Variants in CSMD3 observed in about 807,000 individuals in gnomAD.
CSMD3 encodes CUB and sushi domain-containing protein 3.
In CSMD3, 177 loss-of-function variants were observed where a neutral mutation model predicts 435.2. That is an observed-to-expected ratio of 0.41 (90% confidence interval 0.36 to 0.46). The LOEUF is 0.46. CSMD3 is among the 20% of genes least tolerant of loss of function. The pLI, the probability that CSMD3 is intolerant of heterozygous loss-of-function variation, is 0.34. For missense variants in CSMD3, 4,265 were observed against 4,504.6 expected (o/e 0.95, Z 1.52); for synonymous variants, 1,656 against 1,520.5 (o/e 1.09, Z -2.07).
chr8:112,772,850 T>G (rs960856900), intron 13 of CSMD3, among the ~76,000 whole-genome samples: 5 of 152,090 alleles, frequency 3.3e-5, no homozygotes, highest in African/African-American at 1.2e-4. Context: ...CACTTTTTTC[T>G]TTACCTTGTT....
chr8:113,188,286 GC>G (rs755136968), intron 3 of CSMD3, among the ~76,000 whole-genome samples: 2 of 151,828 alleles, frequency 1.3e-5, no homozygotes, highest in East Asian at 3.9e-4. Context: ...TACTTTTAAT[GC>G]GCATCTTTAA....
At chr8:113,022,995 C>T (rs1466866298) in intron 5 of CSMD3, among the ~76,000 whole-genome samples, 1 of 151,704 alleles carries the variant, frequency 6.6e-6, no homozygotes, top group Admixed American at 6.6e-5. Flanking sequence ...AATTATAATC[C>T]TTACAACATG....
At chr8:112,262,334 A>G (rs1816497544) in intron 61 of CSMD3, among the ~76,000 whole-genome samples, 1 of 152,138 alleles carries the variant, frequency 6.6e-6, no homozygotes, top group African/African-American at 2.4e-5. Context: ...TCAATACCAT[A>G]CTGTTTTAAT....
At chr8:112,868,640 G>A (rs1264334191) in intron 10 of CSMD3, among the ~76,000 whole-genome samples, 1 of 152,092 alleles carries the variant, frequency 6.6e-6, no homozygotes, top group African/African-American at 2.4e-5. Context: ...AATCATAACA[G>A]TATGGTACTG....
At chr8:113,432,137 CA>C (rs2130089205) in intron 1 of CSMD3, among the ~76,000 whole-genome samples, 1 of 152,278 alleles carries the variant, frequency 6.6e-6, no homozygotes, top group African/African-American at 2.4e-5. Flanking sequence ...CGTGATGCAG[CA>C]CCCGCCTCCT....
intron 5 of CSMD3, among the ~76,000 whole-genome samples, chr8:113,061,553 G>A (rs1268836693): frequency 6.6e-6 from 1 of 151,964 alleles, no homozygotes; most frequent in Non-Finnish European, 1.5e-5. Context: ...TTAGTAAAAG[G>A]TATACATGGA....
intron 28 of CSMD3, among the ~76,000 whole-genome samples, chr8:112,514,852 A>T (rs1405872715): frequency 6.6e-6 from 1 of 151,968 alleles, no homozygotes; most frequent in Non-Finnish European, 1.5e-5. Flanking sequence ...CTTTCTTATC[A>T]GTTTTAGAGG....
intron 22 of CSMD3, among the ~76,000 whole-genome samples, chr8:112,610,684 T>C (rs529629948): frequency 1.3e-5 from 2 of 152,170 alleles, no homozygotes; most frequent in African/African-American, 4.8e-5. Flanking sequence ...CTTTGCAAAA[T>C]GAAAGAAAAC....
intron 10 of CSMD3, among the ~76,000 whole-genome samples, chr8:112,863,178 T>C (rs962545539): frequency 1.3e-5 from 2 of 152,068 alleles, no homozygotes; most frequent in Non-Finnish European, 1.5e-5. Flanking sequence ...GAATTAACTT[T>C]TCTCTGTAAA....
intron 22 of CSMD3, among the ~76,000 whole-genome samples, chr8:112,609,201 CAAAAAAAAAAAAAAAA>C (rs71566035): frequency 1.1e-3 from 47 of 43,092 alleles, no homozygotes; most frequent in Middle Eastern, 0.02. Context: ...GATACTGCCT[CAAAAAAAAAAAAAAAA>C]AAAAAAAAAA....
At chr8:112,963,811 GAATA>G (rs963793138) in intron 7 of CSMD3, among the ~76,000 whole-genome samples, 13 of 151,898 alleles carry the variant, frequency 8.6e-5, no homozygotes, top group African/African-American at 3.1e-4. Flanking sequence ...AGAGCAATAT[GAATA>G]GTGTTAAATC....
At chr8:112,622,988 TTCTA>T (rs1472879280) in intron 22 of CSMD3, among the ~76,000 whole-genome samples, 1 of 152,226 alleles carries the variant, frequency 6.6e-6, no homozygotes, top group East Asian at 1.9e-4. Context: ...TGGGGAGTTT[TTCTA>T]TCTGAGTCCA....
intron 10 of CSMD3, among the ~76,000 whole-genome samples, chr8:112,900,584 A>G (rs1200588563): frequency 2.0e-5 from 3 of 151,270 alleles, no homozygotes; most frequent in Admixed American, 1.3e-4. Context: ...ACTGTGACCC[A>G]GGCACCTTTT....
intron 42 of CSMD3, among the ~76,000 whole-genome samples, chr8:112,340,999 A>G (rs1040083617): frequency 3.3e-5 from 5 of 152,160 alleles, no homozygotes; most frequent in Non-Finnish European, 7.4e-5. Flanking sequence ...TAGGTCTAAT[A>G]TAACATGATT....
chr8:113,001,945 G>A (rs2085880888), intron 6 of CSMD3, among the ~76,000 whole-genome samples: 1 of 152,090 alleles, frequency 6.6e-6, no homozygotes. Flanking sequence ...ACTACTCTGG[G>A]CAGGTCACAG....
intron 38 of CSMD3, among the ~76,000 whole-genome samples, chr8:112,358,234 C>A (rs1181450511): frequency 6.6e-6 from 1 of 152,156 alleles, no homozygotes; most frequent in African/African-American, 2.4e-5. Context: ...TGTATTTACC[C>A]AATGCCTGTA....
chr8:113,368,088 T>C (rs2094324382), intron 1 of CSMD3, among the ~76,000 whole-genome samples: 1 of 152,082 alleles, frequency 6.6e-6, no homozygotes, highest in South Asian at 2.1e-4. Flanking sequence ...TTCCTATTTG[T>C]CCTCCTTAGG....
At chr8:112,648,866 T>C (rs1466680354) in intron 19 of CSMD3, among the ~76,000 whole-genome samples, 1 of 152,196 alleles carries the variant, frequency 6.6e-6, no homozygotes, top group East Asian at 1.9e-4. Context: ...ACCACAGGGA[T>C]AGATGAGCAC....
At chr8:113,164,153 GA>G (rs1399987227) in intron 4 of CSMD3, among the ~76,000 whole-genome samples, 5 of 151,888 alleles carry the variant, frequency 3.3e-5, no homozygotes, top group African/African-American at 1.2e-4. Flanking sequence ...TTCAGAACTT[GA>G]CTTTTGTAAA....
Sources: allele counts gnomAD v4.1 joint callset (sites outside exome capture counted in the v4.1 genomes callset), GRCh38; gene constraint gnomAD v4.1.1; transcripts MANE v1.5; gene names NCBI Gene and HGNC (gene_info 2026-07-23, HGNC 2026-07-21).